The following MAMLD1 variants were observed in gnomAD, a reference collection of about 807,000 sequenced individuals.
MAMLD1 encodes the protein mastermind-like domain-containing protein 1.
Under a neutral mutation model 45.0 loss-of-function variants are expected in MAMLD1, and 14 were observed. That is an observed-to-expected ratio of 0.31 (90% CI 0.21 to 0.49). MAMLD1 has a LOEUF of 0.49. MAMLD1 is among the 20% of genes least tolerant of loss of function. The pLI, the probability that MAMLD1 is intolerant of heterozygous loss-of-function variation, is 0.99. For synonymous variants in MAMLD1, 254 were observed against 247.8 expected, an observed-to-expected ratio of 1.02 and a Z score of -0.24; for missense variants, 543 against 603.6, an observed-to-expected ratio of 0.90 and a Z score of 1.05.
At chrX:150,478,889 T>C (rs2036664162) in intron 5 of MAMLD1, among the ~76,000 whole-genome samples, 1 of 112,559 alleles carries the variant, frequency 8.9e-6, no homozygotes, top group Admixed American at 9.3e-5. Context: ...CTGTTTTGTG[T>C]GGAACTATGA....
intron 2 of MAMLD1, among the ~76,000 whole-genome samples, chrX:150,450,068 T>G (rs782614035): frequency 1.8e-5 from 2 of 111,635 alleles, no homozygotes; most frequent in Non-Finnish European, 3.8e-5. Context: ...ATTCCCAGAT[T>G]AGGAGCTCAG....
intron 2 of MAMLD1, among the ~76,000 whole-genome samples, chrX:150,448,767 T>G (rs2035571626): frequency 1.8e-5 from 2 of 111,861 alleles, no homozygotes; most frequent in African/African-American, 6.5e-5. Flanking sequence ...GTCAAAGGAT[T>G]GCTAGTGTGA....
At chrX:150,361,871 A>C (rs1272474644), upstream of MAMLD1, among the ~76,000 whole-genome samples, 1 of 112,758 alleles carries the variant, frequency 8.9e-6, no homozygotes, top group African/African-American at 3.2e-5. Flanking sequence ...CAGAAGCCGC[A>C]GGTGTCCGTC....
chrX:150,493,895 T>C (rs1557408082), intron 5 of MAMLD1, among the ~76,000 whole-genome samples: 1 of 112,269 alleles, frequency 8.9e-6, no homozygotes, highest in African/African-American at 3.2e-5. Context: ...CATAATACAA[T>C]ATATAAACAT....
chrX:150,489,096 G>A (rs1450277231), intron 5 of MAMLD1, among the ~76,000 whole-genome samples: 1 of 112,316 alleles, frequency 8.9e-6, no homozygotes, highest in Non-Finnish European at 1.9e-5. Context: ...GAAATCTACA[G>A]AATAACAATA....
chrX:150,476,513 T>G (rs782292639), intron 5 of MAMLD1, among the ~76,000 whole-genome samples: 1 of 111,790 alleles, frequency 8.9e-6, no homozygotes, highest in Non-Finnish European at 1.9e-5. Context: ...GTGCCCTCAG[T>G]GCACGTGCAT....
chrX:150,384,127 A>G (rs190458259), intron 1 of MAMLD1, among the ~76,000 whole-genome samples: 2 of 111,922 alleles, frequency 1.8e-5, no homozygotes, highest in East Asian at 5.6e-4. Flanking sequence ...TTGGGCATAT[A>G]CCTAGGAATG....
chrX:150,459,483 C>G (rs1028832404), intron 2 of MAMLD1, among the ~76,000 whole-genome samples: 4 of 109,033 alleles, frequency 3.7e-5, no homozygotes, highest in African/African-American at 1.3e-4. Flanking sequence ...CCTCCAAGCC[C>G]CACTTCTGCT....
intron 1 of MAMLD1, among the ~76,000 whole-genome samples, chrX:150,422,393 T>G (rs1557403595): frequency 8.9e-6 from 1 of 112,007 alleles, no homozygotes; most frequent in East Asian, 2.8e-4. Flanking sequence ...TTTCCCTATC[T>G]GTACAAGAAG....
intron 1 of MAMLD1, among the ~76,000 whole-genome samples, chrX:150,431,728 A>G (rs2034954533): frequency 1.3e-5 from 1 of 76,845 alleles, no homozygotes; most frequent in African/African-American, 4.7e-5. Flanking sequence ...CATTTATGCA[A>G]AGGACCAAAG....
At chrX:150,426,672 A>G (rs1291719033) in intron 1 of MAMLD1, among the ~76,000 whole-genome samples, 1 of 111,434 alleles carries the variant, frequency 9.0e-6, no homozygotes, top group African/African-American at 3.3e-5. Context: ...TCTAAATGCC[A>G]AGAGCCAAGG....
At chrX:150,370,618 G>A (rs1179380742) in intron 1 of MAMLD1, among the ~76,000 whole-genome samples, 3 of 111,239 alleles carry the variant, frequency 2.7e-5, no homozygotes, top group Admixed American at 1.9e-4. Flanking sequence ...GGCTGCTGAA[G>A]CCCCAAGAGC....
rs1398737063 is a variant in MAMLD1 at position 150,382,997 on chromosome X, C to T, written c.-64+19467C>T. The stretch of plus-strand genomic sequence containing the variant: ...TCGGCTCACTGCAAGCTCCGCCTCC[C>T]GGGTTCACGCCATTCTCCTGCCTCA... On this transcript the variant is annotated intron_variant, in intron 1 of 7. Coordinates refer to ENST00000370401, the MANE Select transcript of MAMLD1 (RefSeq NM_005491.5). 8.2e-4 allele frequency among the ~76,000 whole-genome samples: 40 copies of T among 49,008 alleles called. 11 individuals are homozygous for T. The highest frequency in any genetic ancestry group is 1.1e-3 in the Non-Finnish European group (32 of 28,029). The allele number at this position is 49,008 out of a possible 115,157, so 42.6% of individuals were successfully genotyped here. A position where few individuals can be genotyped will look rare whatever the true frequency, so the allele number is the denominator to read the frequency against.
At chrX:150,444,058 G>T (rs782411143) in intron 1 of MAMLD1, among the ~76,000 whole-genome samples, 3 of 111,835 alleles carry the variant, frequency 2.7e-5, no homozygotes, top group African/African-American at 9.8e-5. Context: ...CAGGGAAGGC[G>T]GGCACCATCT....
At chrX:150,494,716 CT>C (rs1171580392) in intron 5 of MAMLD1, among the ~76,000 whole-genome samples, 13 of 109,993 alleles carry the variant, frequency 1.2e-4, no homozygotes, top group African/African-American at 3.3e-4. Flanking sequence ...CCTGTCTCTA[CT>C]AAAAACGCAA....
intron 2 of MAMLD1, among the ~76,000 whole-genome samples, chrX:150,454,244 C>G (rs781898718): frequency 3.0e-4 from 34 of 112,303 alleles, no homozygotes; most frequent in Non-Finnish European, 5.1e-4. Flanking sequence ...TCAAGTCAAG[C>G]CCTTAGAGTT....
chrX:150,400,459 T>C (rs1194754950), intron 1 of MAMLD1, among the ~76,000 whole-genome samples: 1 of 111,897 alleles, frequency 8.9e-6, no homozygotes, highest in African/African-American at 3.3e-5. Flanking sequence ...TTCCTTCTCC[T>C]GCCTCATTGC....
At chrX:150,371,335 A>C (rs1220596324) in intron 1 of MAMLD1, among the ~76,000 whole-genome samples, 1 of 111,398 alleles carries the variant, frequency 9.0e-6, no homozygotes, top group Non-Finnish European at 1.9e-5. Context: ...GATGGAGTGG[A>C]CCAGGTGATA....
chrX:150,495,185 G>T (rs1206964330), intron 5 of MAMLD1, among the ~76,000 whole-genome samples: 1 of 99,389 alleles, frequency 1.0e-5, no homozygotes, highest in South Asian at 5.2e-4. Context: ...CAGCCTGGGC[G>T]ACAGAGTGAG....
Sources: allele counts gnomAD v4.1 joint callset (sites outside exome capture counted in the v4.1 genomes callset), GRCh38; gene constraint gnomAD v4.1.1; transcripts MANE v1.5; gene names NCBI Gene and HGNC (gene_info 2026-07-23, HGNC 2026-07-21).